The following DNAJC11 variants were observed in gnomAD, a reference collection of about 807,000 sequenced individuals.
DNAJC11 encodes DnaJ heat shock protein family (Hsp40) member C11.
In DNAJC11, 15 loss-of-function variants were observed where a neutral mutation model predicts 78.6. That is an observed-to-expected ratio of 0.19 (90% CI 0.13 to 0.29). The LOEUF (loss-of-function observed/expected upper bound fraction) is 0.29. DNAJC11 is among the 10% of genes least tolerant of loss of function. DNAJC11 has a pLI of 1.00. For synonymous variants in DNAJC11, 292 were observed against 272.1 expected (o/e 1.07, Z -0.72); for missense variants, 547 against 709.6 (o/e 0.77, Z 2.60).
chr1:6,684,194 C>A lies in DNAJC11; in HGVS notation c.73-3157G>T, dbSNP rs11803398. Among the ~76,000 whole-genome samples, 139 of 152,026 alleles carry A rather than the reference C, an allele frequency of 9.1e-4. 1 individual carries two copies. The highest frequency in any genetic ancestry group is 3.1e-3 in the African/African-American group (129 of 41,492). On this transcript the variant is annotated intron_variant, in intron 1 of 15. Coordinates refer to ENST00000377577, the MANE Select transcript of DNAJC11 (RefSeq NM_018198.4). Reference sequence around the variant, plus strand: ...CTCCTGGGTTCAAGTAATTGTCCTGCCTCAGCCTCCCAAGTAGCTGGGACT... The same window carrying A: ...CTCCTGGGTTCAAGTAATTGTCCTGACTCAGCCTCCCAAGTAGCTGGGACT...
intron 12 of DNAJC11, chr1:6,637,724 G>A (rs896226478): frequency 6.6e-6 from 4 of 602,752 alleles, no homozygotes; most frequent in Non-Finnish European, 1.2e-5. Context: ...AGAAGCACCT[G>A]AAACGGCATG....
rs754043204 is a variant in DNAJC11 at position 6,645,940 on chromosome 1, C to A, written c.743G>T (p.Arg248Leu). ...TTNCALQFSS[R>L]GIRPGLTTVL... ...AGTGGTCAGGCCGGGTCGGATTCCA[C>A]GGGATGAAAACTGCAGAGCACAGTT... The change falls in exon 8 of 16, where the codon CGT becomes CTT. Residue 248 changes from arginine (R) to leucine (L), a missense_variant. Arg to Leu is a moderately radical substitution (Grantham distance 102). Transcript: ENST00000377577. The surrounding 1 kb of genome is among the most constrained non-coding windows in gnomAD (Gnocchi z 4.1). The A allele has an allele frequency of 6.2e-7, 1 of 1,614,134 alleles. No homozygotes were observed. The highest frequency in any genetic ancestry group is 8.5e-7 in the Non-Finnish European group (1 of 1,180,026).
chr1:6,681,331 T>C (rs1465062061), intron 1 of DNAJC11, among the ~76,000 whole-genome samples: 1 of 152,138 alleles, frequency 6.6e-6, no homozygotes, highest in African/African-American at 2.4e-5. Context: ...GAAACAAAAA[T>C]GTCACAGAGA....
intron 4 of DNAJC11, among the ~76,000 whole-genome samples, chr1:6,657,191 G>C (rs1642139183): frequency 6.6e-6 from 1 of 152,046 alleles, no homozygotes; most frequent in African/African-American, 2.4e-5. Flanking sequence ...CTGACTTCAA[G>C]ACCAGCTCAC....
chr1:6,637,648 C>T (rs535424787), intron 12 of DNAJC11, 144 bp from the exon 13 acceptor site: 329 of 871,370 alleles, frequency 3.8e-4, no homozygotes, highest in Non-Finnish European at 3.5e-4. Context: ...CCTGACAGCT[C>T]TGCTACCCGA....
chr1:6,682,630 T>C (rs1642571895), intron 1 of DNAJC11, among the ~76,000 whole-genome samples: 1 of 152,174 alleles, frequency 6.6e-6, no homozygotes, highest in African/African-American at 2.4e-5. Context: ...GATTCTGCTA[T>C]TCAGAAAAGA....
intron 4 of DNAJC11, among the ~76,000 whole-genome samples, chr1:6,664,106 G>A (rs545539892): frequency 4.0e-4 from 61 of 152,290 alleles, no homozygotes; most frequent in Non-Finnish European, 7.2e-4. Flanking sequence ...GATTTTACAC[G>A]TTCCTTCCTG....
intron 14 of DNAJC11, among the ~76,000 whole-genome samples, chr1:6,636,835 A>G (rs1363403825): frequency 6.6e-6 from 1 of 152,128 alleles, no homozygotes; most frequent in Non-Finnish European, 1.5e-5. Flanking sequence ...GACTGAACCT[A>G]TTCTTCACAC....
intron 1 of DNAJC11, among the ~76,000 whole-genome samples, chr1:6,699,221 C>T (rs964838822): frequency 2.0e-5 from 3 of 151,780 alleles, no homozygotes; most frequent in Non-Finnish European, 2.9e-5. Context: ...CACCTGAGCC[C>T]GGGGAAGTCA....
chr1:6,671,073 T>C (rs1030111555), intron 3 of DNAJC11, among the ~76,000 whole-genome samples: 15 of 152,222 alleles, frequency 9.9e-5, no homozygotes, highest in African/African-American at 1.2e-4. Context: ...CCACAGTTTC[T>C]CTGGACTCAG....
At chr1:6,694,676 T>A (rs937258741) in intron 1 of DNAJC11, among the ~76,000 whole-genome samples, 6 of 151,802 alleles carry the variant, frequency 4.0e-5, no homozygotes, top group South Asian at 2.1e-4. Context: ...TTAAAAAAAA[T>A]TTTTTTTGGC....
intron 3 of DNAJC11, 95 bp downstream of exon 3, chr1:6,678,299 C>T: frequency 7.9e-7 from 1 of 1,266,878 alleles, no homozygotes; most frequent in East Asian, 2.3e-5. Context: ...TTCAAATATT[C>T]CCAAAGACAA....
intron 3 of DNAJC11, among the ~76,000 whole-genome samples, chr1:6,678,189 G>A (rs1642501730): frequency 6.6e-6 from 1 of 152,220 alleles, no homozygotes; most frequent in South Asian, 2.1e-4. Flanking sequence ...CAAGTCAGAT[G>A]AGTGGCTGGC....
intron 6 of DNAJC11, 57 bp downstream of exon 6, chr1:6,652,772 A>T: frequency 6.2e-7 from 1 of 1,608,676 alleles, no homozygotes; most frequent in South Asian, 1.1e-5. Context: ...GAGAGTGTAA[A>T]TGTTCAGAAA....
chr1:6,684,063 C>T (rs145820254), intron 1 of DNAJC11, among the ~76,000 whole-genome samples: 18 of 151,762 alleles, frequency 1.2e-4, no homozygotes, highest in South Asian at 2.1e-4. Flanking sequence ...TTTTCCCACA[C>T]GGCCATTACA....
intron 1 of DNAJC11, among the ~76,000 whole-genome samples, chr1:6,695,658 A>T (rs1477094869): frequency 7.0e-6 from 1 of 142,564 alleles, no homozygotes; most frequent in Non-Finnish European, 1.5e-5. Context: ...AAAAAAAAAA[A>T]TTAGCCGGGT....
chr1:6,697,613 T>C (rs1265463389), intron 1 of DNAJC11, among the ~76,000 whole-genome samples: 1 of 152,024 alleles, frequency 6.6e-6, no homozygotes, highest in East Asian at 1.9e-4. Flanking sequence ...TGCCCACCAC[T>C]CACCTCCTGC....
intron 4 of DNAJC11, among the ~76,000 whole-genome samples, chr1:6,664,936 G>A (rs775362015): frequency 3.3e-5 from 5 of 152,026 alleles, no homozygotes; most frequent in African/African-American, 2.4e-5. Context: ...TCTTATTGAC[G>A]AAAACAGAGA....
rs1005593213 is a variant in DNAJC11, at chr1:6,637,714, A to G, written c.1324-210T>C. ...GCAGGCAGCTCTGGGTCAGAAGGTG[A>G]GAAGCACCTGAAACGGCATGACCCT... is the stretch of plus-strand genomic sequence containing the variant. On this transcript the variant is annotated intron_variant, in intron 12 of 15. Coordinates refer to ENST00000377577, the MANE Select transcript of DNAJC11 (RefSeq NM_018198.4). 5 of 612,240 alleles carry G rather than the reference A, an allele frequency of 8.2e-6. No homozygotes were observed. The African/African-American group carries it at 9.2e-5, about 11-fold the overall frequency. The allele number at this position is 612,240 out of a possible 1,614,324, so 37.9% of individuals were successfully genotyped here.
Sources: allele counts gnomAD v4.1 joint callset (sites outside exome capture counted in the v4.1 genomes callset), GRCh38; gene constraint gnomAD v4.1.1; non-coding constraint Gnocchi (gnomAD v3.1); transcripts MANE v1.5; gene names NCBI Gene and HGNC (gene_info 2026-07-23, HGNC 2026-07-21).